Variants in RBPMS observed in about 807,000 individuals in gnomAD.
RBPMS encodes the protein RNA binding protein, mRNA processing factor, also known as RNA-binding protein with multiple splicing.
RBPMS carries 7 observed loss-of-function variants against 26.8 expected under a neutral mutation model. That is an observed-to-expected ratio of 0.26 (90% CI 0.15 to 0.49). The LOEUF is 0.49. Ranked by LOEUF, RBPMS falls within the 20% of genes least tolerant of loss-of-function variation. RBPMS has a pLI of 0.98. For missense variants in RBPMS, 186 were observed against 250.0 expected (o/e 0.74, Z 1.73); for synonymous variants, 96 against 93.3 (o/e 1.03, Z -0.17).
At chr8:30,467,923 A>G (rs183075850) in intron 1 of RBPMS, among the ~76,000 whole-genome samples, 304 of 152,330 alleles carry the variant, frequency 2.0e-3, no homozygotes, top group Admixed American at 5.2e-3. Context: ...AAGGTTATCT[A>G]TAATTCTACC....
intron 5 of RBPMS, among the ~76,000 whole-genome samples, chr8:30,504,955 A>G (rs1820936863): frequency 6.6e-6 from 1 of 152,242 alleles, no homozygotes; most frequent in Non-Finnish European, 1.5e-5. Context: ...TCAGTCTAGC[A>G]AACTAATACC....
chr8:30,560,068 A>G (rs946379544), intron 7 of RBPMS, among the ~76,000 whole-genome samples: 1 of 152,248 alleles, frequency 6.6e-6, no homozygotes, highest in Non-Finnish European at 1.5e-5. Context: ...CTCTCACAAG[A>G]AAAAGACACT....
chr8:30,510,680 A>G (rs1343952956), intron 5 of RBPMS, among the ~76,000 whole-genome samples: 3 of 152,036 alleles, frequency 2.0e-5, no homozygotes, highest in African/African-American at 7.2e-5. Flanking sequence ...CCTCCTCTCA[A>G]GTGATCCTTC....
intron 6 of RBPMS, among the ~76,000 whole-genome samples, chr8:30,549,742 C>CTTTCTTTTGCT (rs1554543780): frequency 3.5e-5 from 5 of 143,960 alleles, no homozygotes; most frequent in South Asian, 2.2e-4. Flanking sequence ...TTCTTTCTTT[C>CTTTCTTTTGCT]TTTCTTTCCT....
chr8:30,423,551 A>G (rs1811033420), intron 1 of RBPMS, among the ~76,000 whole-genome samples: 1 of 149,682 alleles, frequency 6.7e-6, no homozygotes, highest in Non-Finnish European at 1.5e-5. Context: ...GCCACTTCCC[A>G]TCCATTTCTT....
At chr8:30,484,660 C>A (rs1249409360) in intron 4 of RBPMS, among the ~76,000 whole-genome samples, 8 of 151,870 alleles carry the variant, frequency 5.3e-5, no homozygotes, top group Non-Finnish European at 8.8e-5. Flanking sequence ...AATTTTGATT[C>A]AATAGTATTT....
intron 2 of RBPMS, among the ~76,000 whole-genome samples, chr8:30,477,479 T>G (rs1817825544): frequency 2.0e-5 from 3 of 152,156 alleles, no homozygotes. Context: ...CCTATTCTTA[T>G]CTAGACCAAG....
intron 5 of RBPMS, among the ~76,000 whole-genome samples, chr8:30,528,949 C>T (rs981767352): frequency 5.3e-5 from 8 of 152,010 alleles, no homozygotes; most frequent in African/African-American, 1.9e-4. Context: ...AGCACAGTGG[C>T]TCATGCCTGT....
At chr8:30,462,577 C>T (rs1231998323) in intron 1 of RBPMS, among the ~76,000 whole-genome samples, 1 of 151,976 alleles carries the variant, frequency 6.6e-6, no homozygotes, top group South Asian at 2.1e-4. Flanking sequence ...TCCACCACCA[C>T]GCCCAGCTAA....
At position 30,431,719 on chromosome 8, in the gene RBPMS, T is replaced by G. The variant is rs184968383; in HGVS notation, c.67-43060T>G. ...GGCCTGCCTCGTCCTCCCAAAGTGT[T>G]GGGATTACAGGTGTGAGCCACCGCG... is the stretch of plus-strand genomic sequence containing the variant. On this transcript the variant is annotated intron_variant, in intron 1 of 8. Transcript: ENST00000397323. 6.4e-3 allele frequency among the ~76,000 whole-genome samples: 975 copies of G among 152,294 alleles called. 4 individuals carry two copies. The highest frequency in any genetic ancestry group is 0.012 in the Admixed American group (184 of 15,288).
intron 7 of RBPMS, among the ~76,000 whole-genome samples, chr8:30,563,047 G>A (rs914436358): frequency 6.6e-6 from 1 of 152,204 alleles, no homozygotes; most frequent in African/African-American, 2.4e-5. Flanking sequence ...AGAGAACTGT[G>A]GACACATGTA....
At chr8:30,484,232 A>G (rs1324834603) in intron 4 of RBPMS, among the ~76,000 whole-genome samples, 1 of 152,220 alleles carries the variant, frequency 6.6e-6, no homozygotes, top group East Asian at 1.9e-4. Context: ...TAACCATTCT[A>G]GTAGATACGA....
chr8:30,519,609 G>A (rs751676293), intron 5 of RBPMS, among the ~76,000 whole-genome samples: 6 of 151,508 alleles, frequency 4.0e-5, no homozygotes, highest in African/African-American at 9.7e-5. Context: ...TCAGCCTCCT[G>A]AGTAACTGGG....
chr8:30,496,325 C>T (rs1217012475), intron 4 of RBPMS, among the ~76,000 whole-genome samples: 1 of 152,092 alleles, frequency 6.6e-6, no homozygotes, highest in Admixed American at 6.6e-5. Context: ...TCCGCCACCA[C>T]GCCCGGCTAA....
At chr8:30,446,674 A>G (rs1424179557) in intron 1 of RBPMS, among the ~76,000 whole-genome samples, 4 of 152,114 alleles carry the variant, frequency 2.6e-5, no homozygotes, top group Non-Finnish European at 5.9e-5. Context: ...TCCATTGCCT[A>G]GGCTGGAGTG....
chr8:30,435,991 A>C (rs1481356472), intron 1 of RBPMS, among the ~76,000 whole-genome samples: 1 of 152,144 alleles, frequency 6.6e-6, no homozygotes, highest in African/African-American at 2.4e-5. Flanking sequence ...TATTTAAATT[A>C]GGACTATATT....
chr8:30,442,431 T>C (rs1813195553), intron 1 of RBPMS, among the ~76,000 whole-genome samples: 1 of 152,160 alleles, frequency 6.6e-6, no homozygotes, highest in South Asian at 2.1e-4. Flanking sequence ...TTCCCACTCC[T>C]TTCACCCTCA....
chr8:30,440,542 A>G (rs1812955796), intron 1 of RBPMS, among the ~76,000 whole-genome samples: 1 of 152,074 alleles, frequency 6.6e-6, no homozygotes. Context: ...TAAGGCTTCC[A>G]TCGTATTTTT....
intron 7 of RBPMS, chr8:30,561,796 C>A: frequency 1.1e-6 from 1 of 929,200 alleles, no homozygotes; most frequent in African/African-American, 1.8e-5. Flanking sequence ...GGCCTGGGAC[C>A]TAAGGAAGGG....
Sources: gnomAD v4.1 joint callset for allele counts (sites outside exome capture counted in the v4.1 genomes callset) on GRCh38, gnomAD v4.1.1 for gene constraint, MANE v1.5 for transcripts, NCBI Gene and HGNC (gene_info 2026-07-23, HGNC 2026-07-21) for gene names.